CNTN1: variants seen among roughly 807,000 people sequenced by gnomAD.
CNTN1 encodes contactin 1.
In CNTN1, 38 loss-of-function variants were observed where a neutral mutation model predicts 126.4. That is an observed-to-expected ratio of 0.30 (90% CI 0.23 to 0.39). The LOEUF (loss-of-function observed/expected upper bound fraction) is 0.39, where lower values mean the gene tolerates loss of function less well. Among genes scored for constraint, CNTN1 ranks in the 10% least tolerant of loss-of-function variants. The pLI is 1.00. For missense variants in CNTN1, 1,009 were observed against 1,248.4 expected (o/e 0.81, Z 2.89); for synonymous variants, 413 against 422.6 (o/e 0.98, Z 0.28).
chr12:40,803,206 T>C (rs1448872816), intron 1 of CNTN1, among the ~76,000 whole-genome samples: 1 of 151,180 alleles, frequency 6.6e-6, no homozygotes, highest in Non-Finnish European at 1.5e-5. Flanking sequence ...GTAGATCTCT[T>C]CAGTTAGGGC....
intron 1 of CNTN1, among the ~76,000 whole-genome samples, chr12:40,894,178 T>G (rs1565897174): frequency 6.6e-6 from 1 of 152,118 alleles, no homozygotes; most frequent in Non-Finnish European, 1.5e-5. Context: ...TTAAAGATTT[T>G]AAAACAAATA....
intron 1 of CNTN1, among the ~76,000 whole-genome samples, chr12:40,845,387 C>T (rs891248264): frequency 1.3e-5 from 2 of 152,110 alleles, no homozygotes; most frequent in East Asian, 3.9e-4. Flanking sequence ...GAAGAATGAA[C>T]ACAGGTTAAT....
chr12:40,810,686 G>T (rs375720040), intron 1 of CNTN1, among the ~76,000 whole-genome samples: 2 of 151,558 alleles, frequency 1.3e-5, no homozygotes, highest in South Asian at 4.2e-4. Context: ...TGTTCTCCAG[G>T]TTCATCCTAG....
chr12:40,700,083 ATT>A (rs977275316), intron 1 of CNTN1, among the ~76,000 whole-genome samples: 7 of 152,170 alleles, frequency 4.6e-5, no homozygotes, highest in Non-Finnish European at 8.8e-5. Context: ...AAAGTCTTAT[ATT>A]TAGTTACTTG....
chr12:40,864,361 T>A (rs1943228033), intron 1 of CNTN1, among the ~76,000 whole-genome samples: 2 of 152,122 alleles, frequency 1.3e-5, no homozygotes, highest in South Asian at 4.2e-4. Context: ...GAGATATTAT[T>A]CACATACCCT....
chr12:40,845,273 G>GA (rs1390343154), intron 1 of CNTN1, among the ~76,000 whole-genome samples: 1 of 152,128 alleles, frequency 6.6e-6, no homozygotes, highest in Non-Finnish European at 1.5e-5. Flanking sequence ...TTGTCATATA[G>GA]AAAATTGATT....
At chr12:40,889,629 A>C (rs1319372480) in intron 1 of CNTN1, among the ~76,000 whole-genome samples, 1 of 152,190 alleles carries the variant, frequency 6.6e-6, no homozygotes, top group Non-Finnish European at 1.5e-5. Flanking sequence ...ATAAAATGTA[A>C]TACTCATCCT....
intron 1 of CNTN1, among the ~76,000 whole-genome samples, chr12:40,694,452 G>A (rs1941395652): frequency 6.6e-6 from 1 of 152,156 alleles, no homozygotes; most frequent in Non-Finnish European, 1.5e-5. Flanking sequence ...TTGGTTGAAA[G>A]TCTTCTGAAA....
chr12:40,801,010 G>GTTTTT (rs35813803), intron 1 of CNTN1, among the ~76,000 whole-genome samples: 5,833 of 142,444 alleles, frequency 0.041, 323 homozygotes, highest in African/African-American at 0.12. Flanking sequence ...TCAAACTAGA[G>GTTTTT]TTTTGTTTTT....
chr12:40,864,680 T>C (rs1184224514), intron 1 of CNTN1, among the ~76,000 whole-genome samples: 2 of 152,232 alleles, frequency 1.3e-5, no homozygotes, highest in Non-Finnish European at 2.9e-5. Context: ...TCATTCCTTT[T>C]TATTACTGTA....
intron 1 of CNTN1, among the ~76,000 whole-genome samples, chr12:40,698,228 ATTTTTT>A (rs35570862): frequency 4.3e-5 from 3 of 69,882 alleles, no homozygotes; most frequent in African/African-American, 1.7e-4. Flanking sequence ...CAGCCACTTA[ATTTTTT>A]TTTTTTTTTT....
At chr12:40,736,171 A>C (rs1937671282) in intron 1 of CNTN1, among the ~76,000 whole-genome samples, 1 of 152,030 alleles carries the variant, frequency 6.6e-6, no homozygotes, top group African/African-American at 2.4e-5. Flanking sequence ...ACACATACAG[A>C]ATCAATCAAT....
intron 1 of CNTN1, among the ~76,000 whole-genome samples, chr12:40,817,566 T>C (rs914570612): frequency 2.0e-5 from 3 of 149,280 alleles, no homozygotes; most frequent in Non-Finnish European, 3.0e-5. Context: ...TGTCTTTGCA[T>C]GTAAGATGGG....
chr12:41,045,367 T>G (rs1295795268), intron 23 of CNTN1, among the ~76,000 whole-genome samples: 2 of 152,112 alleles, frequency 1.3e-5, no homozygotes, highest in Admixed American at 1.3e-4. Context: ...TAAAAACAAT[T>G]GTCTGTTCTG....
Position 40,844,846 on chromosome 12 carries a change from C to T in CNTN1, c.-76-63511C>T, listed in dbSNP as rs1432609902. 2.0e-5 allele frequency among the ~76,000 whole-genome samples: 3 copies of T among 152,016 alleles called. No homozygotes were observed. In the East Asian group the frequency reaches 5.8e-4, roughly 29 times the overall value. On this transcript the variant is annotated intron_variant, in intron 1 of 23. Coordinates refer to ENST00000551295, the MANE Select transcript of CNTN1 (RefSeq NM_001843.4). The stretch of plus-strand genomic sequence containing the variant: ...TAATTATTGATTCAAGTTTAATGTT[C>T]TTTATGTGAATTACATTTTTAGTTT...
chr12:41,066,446 A>G (rs1240791369), intron 23 of CNTN1, among the ~76,000 whole-genome samples: 1 of 152,180 alleles, frequency 6.6e-6, no homozygotes, highest in Non-Finnish European at 1.5e-5. Flanking sequence ...GCATAACTCA[A>G]TCATTTAACA....
chr12:40,909,875 T>G (rs1055275893), intron 2 of CNTN1, among the ~76,000 whole-genome samples, 198 bp from the exon 3 acceptor site: 4 of 152,046 alleles, frequency 2.6e-5, no homozygotes, highest in Admixed American at 1.3e-4. Flanking sequence ...TTCTATTGAC[T>G]GCAAACTTCG....
At chr12:40,795,793 T>C (rs2136474050) in intron 1 of CNTN1, among the ~76,000 whole-genome samples, 1 of 152,228 alleles carries the variant, frequency 6.6e-6, no homozygotes, top group South Asian at 2.1e-4. Flanking sequence ...CAATGCCAGT[T>C]TTCAGGGATT....
At chr12:40,818,801 G>A (rs1941341311) in intron 1 of CNTN1, among the ~76,000 whole-genome samples, 2 of 152,196 alleles carry the variant, frequency 1.3e-5, no homozygotes, top group African/African-American at 4.8e-5. Context: ...TTTCATCTTT[G>A]TGAGTTTGTC....
Sources: allele counts gnomAD v4.1 joint callset (sites outside exome capture counted in the v4.1 genomes callset), GRCh38; gene constraint gnomAD v4.1.1; transcripts MANE v1.5; gene names NCBI Gene and HGNC (gene_info 2026-07-23, HGNC 2026-07-21).